Variants in GTF3C2 observed in about 807,000 individuals in gnomAD.
GTF3C2 encodes general transcription factor 3C polypeptide 2.
GTF3C2 carries 17 observed loss-of-function variants against 117.4 expected under a neutral mutation model. The ratio of observed to expected loss-of-function variants is 0.14; its 90% CI spans 0.10 to 0.22. The LOEUF (loss-of-function observed/expected upper bound fraction) is 0.22, where lower values mean the gene tolerates loss of function less well. Among genes scored for constraint, GTF3C2 ranks in the 10% least tolerant of loss-of-function variants. GTF3C2 has a pLI of 1.00. For synonymous variants in GTF3C2, 437 were observed against 427.0 expected (o/e 1.02, Z -0.29); for missense variants, 888 against 1,143.6 (o/e 0.78, Z 3.22).
rs768690676 is a variant in GTF3C2 at position 27,335,902 on chromosome 2, T to C, written c.1467+15A>G. 1 of 1,527,784 alleles carries C rather than the reference T, an allele frequency of 6.5e-7. No individual in the cohort carries two copies. The highest frequency in any genetic ancestry group is 9.1e-7 in the Non-Finnish European group (1 of 1,101,322). 94.6% of individuals were successfully genotyped at this position (1,527,784 alleles called of 1,614,324 possible). ...TTTGAGTCCTAGGGCCATCCCACAGTTGACTGGGAAGTACCTTCCGAGGGG... is the reference window on the plus strand; with the variant it reads ...TTTGAGTCCTAGGGCCATCCCACAGCTGACTGGGAAGTACCTTCCGAGGGG... On this transcript the variant is annotated intron_variant, in intron 9 of 18. Transcript: ENST00000264720.
At chr2:27,328,011 C>A (rs750094240) in intron 17 of GTF3C2, 26 bp downstream of exon 17, 2 of 1,587,304 alleles carry the variant, frequency 1.3e-6, no homozygotes, top group Middle Eastern at 1.7e-4. Context: ...TCTAATACCA[C>A]ACCCATTCTC....
exon 2 of GTF3C2, chr2:27,343,327 G>A: frequency 6.2e-7 from 1 of 1,614,156 alleles, no homozygotes; most frequent in Non-Finnish European, 8.5e-7. Context: ...CCAGTCTGGA[G>A]AGGCTTTCCT....
chr2:27,354,378 C>A (rs1247929407), intron 1 of GTF3C2, among the ~76,000 whole-genome samples: 1 of 152,156 alleles, frequency 6.6e-6, no homozygotes, highest in Non-Finnish European at 1.5e-5. Flanking sequence ...AACCTTCAAG[C>A]TTCAAGCATT....
At chr2:27,347,236 C>G (rs558363474) in intron 1 of GTF3C2, among the ~76,000 whole-genome samples, 1 of 152,156 alleles carries the variant, frequency 6.6e-6, no homozygotes, top group Non-Finnish European at 1.5e-5. Context: ...CCCCGCCCCC[C>G]ACAGATCTAT....
chr2:27,347,560 G>A (rs1299561153), intron 1 of GTF3C2, among the ~76,000 whole-genome samples: 1 of 152,050 alleles, frequency 6.6e-6, no homozygotes. Flanking sequence ...CAAGCCAAAA[G>A]GACCTATGCA....
intron 1 of GTF3C2, 105 bp from the exon 2 acceptor site, chr2:27,343,683 GT>G: frequency 1.1e-6 from 1 of 894,628 alleles, no homozygotes; most frequent in East Asian, 2.5e-5. Context: ...TCATAACCAA[GT>G]TCCCTGATTA....
chr2:27,349,821 G>C (rs535566464), intron 1 of GTF3C2, among the ~76,000 whole-genome samples: 3 of 152,008 alleles, frequency 2.0e-5, no homozygotes, highest in African/African-American at 7.2e-5. Context: ...GTATTTTTTA[G>C]TAGAGACGGG....
chr2:27,339,886 C>A (rs1680653181), intron 4 of GTF3C2: 1 of 150,402 alleles, frequency 6.6e-6, no homozygotes, highest in African/African-American at 2.5e-5. Flanking sequence ...ACTTGGGAAG[C>A]CGAGGCAGGA....
intron 4 of GTF3C2, among the ~76,000 whole-genome samples, chr2:27,338,947 T>C (rs1235057594): frequency 6.6e-6 from 1 of 152,102 alleles, no homozygotes; most frequent in Non-Finnish European, 1.5e-5. Context: ...GAAGTACAAA[T>C]GCATACCACC....
In GTF3C2 at chr2:27,344,806, A is replaced by G. The variant is rs1438445221; in HGVS notation, c.-24-1228T>C. Among the ~76,000 whole-genome samples, 7 of 151,876 alleles carry G rather than the reference A, an allele frequency of 4.6e-5. No individual in the cohort carries two copies. In the South Asian group the frequency reaches 8.3e-4, roughly 18 times the overall value. The stretch of plus-strand genomic sequence containing the variant: ...CAAGACCAGTCTGGGCAACATAGGG[A>G]GACCTCATCTCTACAAAAAATTTTA... On this transcript the variant is annotated intron_variant, in intron 1 of 18. Coordinates refer to ENST00000264720, the Ensembl canonical transcript of GTF3C2.
intron 1 of GTF3C2, among the ~76,000 whole-genome samples, chr2:27,350,005 T>C (rs1051035648): frequency 6.6e-6 from 1 of 152,090 alleles, no homozygotes; most frequent in African/African-American, 2.4e-5. Context: ...GTCAGGAACA[T>C]TTAAACATCA....
At chr2:27,333,500 G>C in intron 12 of GTF3C2, 155 bp downstream of exon 12, 1 of 601,806 alleles carries the variant, frequency 1.7e-6, no homozygotes, top group South Asian at 2.2e-5. Flanking sequence ...AAATAGTCTA[G>C]TGACTTATTT....
intron 5 of GTF3C2, 43 bp from the exon 6 acceptor site, chr2:27,337,601 C>A: frequency 7.9e-7 from 1 of 1,271,868 alleles, no homozygotes; most frequent in South Asian, 1.2e-5. Flanking sequence ...AGGGATTCTA[C>A]AGCCGCACAG....
rs781564998 is a variant in GTF3C2, at chr2:27,343,168, C to T, written c.248-21G>A. Reference sequence around the variant, plus strand: ...AAGATCTGTGGAGAAGAATATGGGTCTGTGAGATGGGACCAGAACTCAAAC... The same window carrying T: ...AAGATCTGTGGAGAAGAATATGGGTTTGTGAGATGGGACCAGAACTCAAAC... On this transcript the variant is annotated intron_variant, in intron 2 of 18. Transcript: ENST00000264720. 3 of 1,537,104 alleles carry T rather than the reference C, an allele frequency of 2.0e-6. No individual in the cohort carries two copies. In the African/African-American group the frequency reaches 4.1e-5, roughly 21 times the overall value.
rs934984326 is a variant in GTF3C2, at chr2:27,335,846, C to G, written c.1467+71G>C. 8 of 1,179,098 alleles carry G rather than the reference C, an allele frequency of 6.8e-6. No individual in the cohort carries two copies. In the East Asian group the frequency reaches 1.7e-4, roughly 25 times the overall value. 73.0% of individuals were successfully genotyped at this position (1,179,098 alleles called of 1,614,324 possible). ...CACTCCAACCTTCGTTCCTTCAACT[C>G]TAAGAATTCCCAGGGCCTCTTTGTC... is the stretch of plus-strand genomic sequence containing the variant. On this transcript the variant is annotated intron_variant, in intron 9 of 18. Transcript: ENST00000264720.
At chr2:27,333,416 A>G (rs1680346942) in intron 12 of GTF3C2, among the ~76,000 whole-genome samples, 1 of 152,000 alleles carries the variant, frequency 6.6e-6, no homozygotes, top group African/African-American at 2.4e-5. Context: ...CAGCCTCTCA[A>G]TAGGATGGGA....
rs1250754555 is a variant in GTF3C2 at position 27,329,671 on chromosome 2, A to T, written c.1733-148T>A. On this transcript the variant is annotated intron_variant, in intron 12 of 18. Transcript: ENST00000264720. The surrounding 1 kb of genome is among the most constrained non-coding windows in gnomAD (Gnocchi z 4.5). ...TGTGGGGATCCTGATTAGCTATCCA[A>T]CACTCCCTCCAGGGCTTAAAGACTC... is the stretch of plus-strand genomic sequence containing the variant. 5 of 713,124 alleles carry T rather than the reference A, an allele frequency of 7.0e-6. No individual in the cohort carries two copies. The highest frequency in any genetic ancestry group is 1.2e-5 in the Non-Finnish European group (5 of 424,732). The allele number at this position is 713,124 out of a possible 1,614,324, so 44.2% of individuals were successfully genotyped here.
At chr2:27,334,944 C>T (rs990700506) in intron 10 of GTF3C2, among the ~76,000 whole-genome samples, 1 of 152,140 alleles carries the variant, frequency 6.6e-6, no homozygotes, top group Admixed American at 6.5e-5. Context: ...ATGCCCAGCC[C>T]CACAGCCAAA....
At chr2:27,341,816 G>T (rs1680741390) in intron 4 of GTF3C2, 132 bp downstream of exon 4, 3 of 716,258 alleles carry the variant, frequency 4.2e-6, no homozygotes, top group African/African-American at 3.6e-5. Context: ...TTTTGGAAAT[G>T]GACCCTTTTT....
Sources: gnomAD v4.1 joint callset for allele counts (sites outside exome capture counted in the v4.1 genomes callset) on GRCh38, gnomAD v4.1.1 for gene constraint, Gnocchi (gnomAD v3.1) non-coding constraint, MANE v1.5 for transcripts, NCBI Gene and HGNC (gene_info 2026-07-23, HGNC 2026-07-21) for gene names.